The following BBS9 variants were observed in gnomAD, a reference collection of about 807,000 sequenced individuals.
The protein encoded by BBS9 is protein PTHB1.
Under a neutral mutation model 117.7 loss-of-function variants are expected in BBS9, and 89 were observed. That is an observed-to-expected ratio of 0.76 (90% CI 0.64 to 0.90). The LOEUF (loss-of-function observed/expected upper bound fraction) is 0.90. Among genes scored for constraint, BBS9 ranks in the 40% least tolerant of loss-of-function variants. BBS9 has a pLI of 0.00. For synonymous variants in BBS9, 379 were observed against 370.9 expected (o/e 1.02, Z -0.25); for missense variants, 982 against 1,042.2 (o/e 0.94, Z 0.80).
rs111926892 is a variant in BBS9 at position 33,248,485 on chromosome 7, A to G, written c.443-8751A>G. 3.9e-5 allele frequency among the ~76,000 whole-genome samples: 6 copies of G among 152,324 alleles called. 1 individual carries two copies. Among genetic ancestry groups the G allele is most frequent in the African/African-American group, 1.4e-4 (6 of 41,586 alleles). The stretch of plus-strand genomic sequence containing the variant: ...ATAGCCAAATAGTAGCATGATCTCA[A>G]AACTATGATAGTAGTTTTATTTGCA... On this transcript the variant is annotated intron_variant, in intron 5 of 22. Transcript: ENST00000242067.
At chr7:33,212,986 C>T (rs1034045176) in intron 5 of BBS9, among the ~76,000 whole-genome samples, 3 of 152,166 alleles carry the variant, frequency 2.0e-5, no homozygotes, top group African/African-American at 4.8e-5. Context: ...TACTGGGTGT[C>T]ACCCAAGGCC....
chr7:33,529,749 A>T lies in BBS9; in HGVS notation c.2299-4205A>T, dbSNP rs117772678. On this transcript the variant is annotated intron_variant, in intron 20 of 22. Transcript: ENST00000242067. ...CTATAACAAAAATCATTTCTCACTG[A>T]AGAGCACATGCCCAATTCCCTTCCA... 2.9e-3 allele frequency among the ~76,000 whole-genome samples: 445 copies of T among 152,280 alleles called. 18 individuals carry two copies. The East Asian group carries it at 0.077, about 26-fold the overall frequency.
At chr7:33,361,287 A>G (rs1379541853) in intron 16 of BBS9, among the ~76,000 whole-genome samples, 1 of 152,234 alleles carries the variant, frequency 6.6e-6, no homozygotes, top group Non-Finnish European at 1.5e-5. Flanking sequence ...TAACAGATAA[A>G]ATGTCATTTG....
intron 21 of BBS9, among the ~76,000 whole-genome samples, chr7:33,621,625 G>T (rs1438526788): frequency 1.3e-5 from 2 of 152,086 alleles, no homozygotes; most frequent in African/African-American, 2.4e-5. Flanking sequence ...GCAGTATGGA[G>T]ATTCTTAAAA....
chr7:33,202,592 T>C (rs1583602774), intron 5 of BBS9, among the ~76,000 whole-genome samples: 1 of 151,640 alleles, frequency 6.6e-6, no homozygotes, highest in Non-Finnish European at 1.5e-5. Flanking sequence ...TAGTTGAGGG[T>C]GAAGGGGAAG....
chr7:33,340,879 T>A lies in BBS9; in HGVS notation c.1199-18T>A. 5 of 1,606,196 alleles carry A rather than the reference T, an allele frequency of 3.1e-6. No individual in the cohort carries two copies. The highest frequency in any genetic ancestry group is 4.3e-6 in the Non-Finnish European group (5 of 1,174,368). On this transcript the variant is annotated intron_variant, in intron 10 of 22. Coordinates refer to ENST00000242067, the MANE Select transcript of BBS9 (RefSeq NM_198428.3). ...TTTTACTTTATGATTAAATAATTTT[T>A]CTTTTTTTAAATCACAGGTGTTTGG...
At chr7:33,191,662 A>G (rs558065741) in intron 5 of BBS9, among the ~76,000 whole-genome samples, 10 of 152,296 alleles carry the variant, frequency 6.6e-5, no homozygotes, top group African/African-American at 2.2e-4. Flanking sequence ...GTGTGGGGAT[A>G]ATTGCTTGAA....
At chr7:33,226,073 A>G (rs1462986087) in intron 5 of BBS9, among the ~76,000 whole-genome samples, 1 of 152,216 alleles carries the variant, frequency 6.6e-6, no homozygotes, top group Non-Finnish European at 1.5e-5. Context: ...CTTGGTGGCA[A>G]TGATTCTCAT....
At chr7:33,265,110 C>A (rs1350752201) in intron 7 of BBS9, among the ~76,000 whole-genome samples, 1 of 151,684 alleles carries the variant, frequency 6.6e-6, no homozygotes, top group Non-Finnish European at 1.5e-5. Context: ...GACAGCAAGG[C>A]AAAAAATAGA....
intron 1 of BBS9, among the ~76,000 whole-genome samples, chr7:33,138,708 C>T (rs1790962068): frequency 6.6e-6 from 1 of 150,856 alleles, no homozygotes; most frequent in African/African-American, 2.4e-5. Context: ...AATCATGGCT[C>T]ACTGTAGCCT....
At chr7:33,446,823 A>G (rs1174799789) in intron 19 of BBS9, among the ~76,000 whole-genome samples, 2 of 152,142 alleles carry the variant, frequency 1.3e-5, no homozygotes. Context: ...CCAATCCCCA[A>G]TTCGATTCTG....
intron 16 of BBS9, among the ~76,000 whole-genome samples, chr7:33,364,697 G>T (rs1307848474): frequency 1.2e-5 from 1 of 82,548 alleles, no homozygotes; most frequent in African/African-American, 4.8e-5. Flanking sequence ...CTCCCCCTCC[G>T]CCCTTTTCTC....
chr7:33,635,609 T>C lies in BBS9; in HGVS notation c.*338T>C, dbSNP rs1047899332. 2.0e-5 allele frequency among the ~76,000 whole-genome samples: 3 copies of C among 152,368 alleles called. No homozygotes were observed. The East Asian group carries it at 5.8e-4, about 29-fold the overall frequency. Reference sequence around the variant, plus strand: ...GTTGCTTCTTTCTGGAAAAATCCTCTGTGCTTTGACTGACTCCAGGGTCTT... The same window carrying C: ...GTTGCTTCTTTCTGGAAAAATCCTCCGTGCTTTGACTGACTCCAGGGTCTT... On this transcript the variant is annotated 3_prime_UTR_variant, in exon 22 of 22. Coordinates refer to the BBS9 transcript ENST00000671952.
chr7:33,461,473 T>TAA (rs879423608), intron 19 of BBS9, among the ~76,000 whole-genome samples: 1 of 145,376 alleles, frequency 6.9e-6, no homozygotes, highest in Non-Finnish European at 1.5e-5. Flanking sequence ...CAAAGTTACT[T>TAA]AAAAAAAAAA....
At chr7:33,472,927 C>G (rs1841260627) in intron 19 of BBS9, among the ~76,000 whole-genome samples, 1 of 152,196 alleles carries the variant, frequency 6.6e-6, no homozygotes, top group Non-Finnish European at 1.5e-5. Flanking sequence ...TAAAATGATT[C>G]ATCCCAAGAA....
intron 1 of BBS9, among the ~76,000 whole-genome samples, chr7:33,145,175 G>A (rs565909002): frequency 3.9e-5 from 6 of 152,234 alleles, no homozygotes; most frequent in South Asian, 4.2e-4. Context: ...TGTTTATGGC[G>A]GCCTTATACA....
In BBS9 at chr7:33,564,153, G is replaced by T. The variant is rs78274231; in HGVS notation, c.2521+29977G>T. Among the ~76,000 whole-genome samples the T allele has an allele frequency of 1.7e-3, 252 of 152,236 alleles. 1 individual carries two copies. The highest frequency in any genetic ancestry group is 5.3e-3 in the African/African-American group (219 of 41,544). ...ATTGGCAAATTGGAGAGAGAGGAGA[G>T]ATATCTTATTTATTTTATCTTAGTT... On this transcript the variant is annotated intron_variant, in intron 21 of 22. Coordinates refer to ENST00000242067, the MANE Select transcript of BBS9 (RefSeq NM_198428.3).
chr7:33,136,555 T>A (rs973668199), intron 1 of BBS9, among the ~76,000 whole-genome samples: 2 of 152,224 alleles, frequency 1.3e-5, no homozygotes, highest in Non-Finnish European at 2.9e-5. Context: ...AGTGTTTTTT[T>A]ATAATGGAAG....
chr7:33,302,064 T>A lies in BBS9; in HGVS notation c.1016+28108T>A, dbSNP rs1289326886. ...CACCTTCTCATATGCTTGTTTGCCA[T>A]TTGTATGTCTTCTTTTGAGAAATTC... On this transcript the variant is annotated intron_variant, in intron 9 of 22. Coordinates refer to ENST00000242067, the MANE Select transcript of BBS9 (RefSeq NM_198428.3). 2.6e-5 allele frequency among the ~76,000 whole-genome samples: 4 copies of A among 152,154 alleles called. No homozygotes were observed. In the East Asian group the frequency reaches 7.7e-4, roughly 29 times the overall value.
Sources: allele counts gnomAD v4.1 joint callset (sites outside exome capture counted in the v4.1 genomes callset), GRCh38; gene constraint gnomAD v4.1.1; transcripts MANE v1.5; gene names NCBI Gene and HGNC (gene_info 2026-07-23, HGNC 2026-07-21).